Variants in ERBB4 observed in about 807,000 individuals in gnomAD.
ERBB4 encodes the protein erb-b2 receptor tyrosine kinase 4.
ERBB4 carries 42 observed loss-of-function variants against 158.0 expected under a neutral mutation model. That is an observed-to-expected ratio of 0.27 (90% confidence interval 0.21 to 0.34). ERBB4 has a LOEUF of 0.34. ERBB4 is among the 10% of genes least tolerant of loss of function. ERBB4 has a pLI of 1.00. For synonymous variants in ERBB4, 583 were observed against 558.7 expected (o/e 1.04, Z -0.61); for missense variants, 1,333 against 1,624.1 (o/e 0.82, Z 3.08).
intron 1 of ERBB4, among the ~76,000 whole-genome samples, chr2:212,187,653 TA>T (rs1165065497): frequency 6.6e-6 from 1 of 152,146 alleles, no homozygotes; most frequent in East Asian, 1.9e-4. Flanking sequence ...AATTTGTTAC[TA>T]ATTTGTAGAA....
intron 1 of ERBB4, among the ~76,000 whole-genome samples, chr2:212,465,824 T>C (rs1207841302): frequency 6.6e-6 from 1 of 152,206 alleles, no homozygotes; most frequent in East Asian, 1.9e-4. Flanking sequence ...ATCCACAGTC[T>C]ATTCTCTAAC....
chr2:212,099,736 G>GTTTTTTTTTT (rs3037296), intron 2 of ERBB4, among the ~76,000 whole-genome samples: 2 of 144,600 alleles, frequency 1.4e-5, no homozygotes, highest in Non-Finnish European at 3.0e-5. Flanking sequence ...TTGTTTTACA[G>GTTTTTTTTTT]TTTTTTTTTT....
In ERBB4 at chr2:212,274,709, C is replaced by T. The variant is rs554488351; in HGVS notation, c.83-149806G>A. On this transcript the variant is annotated intron_variant, in intron 1 of 27. Transcript: ENST00000342788. ...TAATAGGTTTGTGTATATTTTATGG[C>T]CATAAATGAGAAAATAAACTAGTAT... 1.8e-4 allele frequency among the ~76,000 whole-genome samples: 28 copies of T among 151,608 alleles called. No homozygotes were observed. In the Middle Eastern group the frequency reaches 0.01, roughly 55 times the overall value.
chr2:212,266,478 A>C (rs899771121), intron 1 of ERBB4, among the ~76,000 whole-genome samples: 1 of 151,958 alleles, frequency 6.6e-6, no homozygotes, highest in Non-Finnish European at 1.5e-5. Context: ...GTGGGCTCTA[A>C]AGAGGCTTTC....
chr2:212,088,205 C>T (rs899161655), intron 2 of ERBB4, among the ~76,000 whole-genome samples: 5 of 152,100 alleles, frequency 3.3e-5, no homozygotes, highest in African/African-American at 1.2e-4. Context: ...CGAGCAGTAA[C>T]ATCAAAGGGT....
chr2:211,381,274 G>A lies in ERBB4; in HGVS notation c.*2341C>T. On this transcript the variant is annotated 3_prime_UTR_variant, in exon 28 of 28. Transcript: ENST00000342788. ...CAACTCCAATGTCTCCAATATTCTTGGCCAAGGACCACCATCTGCTTTTGG... is the reference window on the plus strand; with the variant it reads ...CAACTCCAATGTCTCCAATATTCTTAGCCAAGGACCACCATCTGCTTTTGG... 4.3e-6 allele frequency: 1 copy of A among 232,198 alleles called. No homozygotes were observed. The highest frequency in any genetic ancestry group is 8.5e-6 in the Non-Finnish European group (1 of 117,480). 14.4% of individuals were successfully genotyped at this position (232,198 alleles called of 1,614,324 possible).
chr2:212,121,135 C>T (rs2079734762), intron 2 of ERBB4, among the ~76,000 whole-genome samples: 1 of 152,198 alleles, frequency 6.6e-6, no homozygotes, highest in African/African-American at 2.4e-5. Flanking sequence ...GGCAAATAGT[C>T]TCTGCTTTCA....
chr2:211,376,506 A>G lies in ERBB4; in HGVS notation c.*7109T>C. On this transcript the variant is annotated 3_prime_UTR_variant, in exon 28 of 28. Transcript: ENST00000342788. The stretch of plus-strand genomic sequence containing the variant: ...GATTTAAATAAAACATTGATGGCTT[A>G]CCAGCAAGGTATTTTTGCACCCCAA... 4.3e-6 allele frequency: 1 copy of G among 232,856 alleles called. No homozygotes were observed. Among genetic ancestry groups the G allele is most frequent in the African/African-American group, 2.2e-5 (1 of 45,414 alleles). The allele number at this position is 232,856 out of a possible 1,614,324, so 14.4% of individuals were successfully genotyped here.
intron 1 of ERBB4, among the ~76,000 whole-genome samples, chr2:212,500,712 C>G (rs1690841666): frequency 6.6e-6 from 1 of 151,956 alleles, no homozygotes. Context: ...GAAGATAGAA[C>G]AAATTACACA....
At chr2:211,900,702 A>G (rs1184235420) in intron 3 of ERBB4, among the ~76,000 whole-genome samples, 4 of 152,158 alleles carry the variant, frequency 2.6e-5, no homozygotes, top group African/African-American at 4.8e-5. Context: ...TATACAGGAC[A>G]TGGACTCAAG....
intron 2 of ERBB4, among the ~76,000 whole-genome samples, chr2:212,063,049 TAC>T (rs1330251354): frequency 1.3e-5 from 2 of 152,218 alleles, no homozygotes; most frequent in Non-Finnish European, 2.9e-5. Context: ...CTCACATGCA[TAC>T]ACAGGAGACT....
chr2:211,691,602 G>GTGTGTGTGTGTGTGTA (rs1225867697), intron 12 of ERBB4, among the ~76,000 whole-genome samples: 34 of 145,426 alleles, frequency 2.3e-4, no homozygotes, highest in African/African-American at 8.4e-4. Context: ...GTGTGTGTGT[G>GTGTGTGTGTGTGTGTA]TATATATATA....
chr2:211,617,974 A>C (rs1253645985), intron 19 of ERBB4, among the ~76,000 whole-genome samples: 1 of 152,048 alleles, frequency 6.6e-6, no homozygotes, highest in Non-Finnish European at 1.5e-5. Context: ...ATAAATACAT[A>C]ATTTTATTCC....
intron 2 of ERBB4, among the ~76,000 whole-genome samples, chr2:212,019,758 TAA>T (rs368132533): frequency 1.9e-5 from 2 of 106,256 alleles, no homozygotes; most frequent in African/African-American, 3.5e-5. Flanking sequence ...CAACATTCTG[TAA>T]AAAAAAAAAA....
chr2:211,680,155 G>T (rs936044537), intron 12 of ERBB4, among the ~76,000 whole-genome samples: 2 of 152,150 alleles, frequency 1.3e-5, no homozygotes, highest in African/African-American at 4.8e-5. Context: ...TTATCTCTAT[G>T]TTATCTCTAT....
chr2:211,807,446 A>G (rs1384935035), intron 3 of ERBB4, among the ~76,000 whole-genome samples: 2 of 152,140 alleles, frequency 1.3e-5, no homozygotes, highest in Non-Finnish European at 2.9e-5. Flanking sequence ...TTCTAGCTTC[A>G]TCCATGTCCC....
chr2:212,018,381 T>C (rs1414030158), intron 2 of ERBB4, among the ~76,000 whole-genome samples: 1 of 152,184 alleles, frequency 6.6e-6, no homozygotes, highest in Non-Finnish European at 1.5e-5. Flanking sequence ...GGATATGACA[T>C]ATTAATGATA....
chr2:211,502,525 C>T (rs1170578978), intron 20 of ERBB4, among the ~76,000 whole-genome samples: 2 of 152,078 alleles, frequency 1.3e-5, no homozygotes. Context: ...TACTATTGAA[C>T]GAAGCAAGGC....
chr2:212,388,502 G>A (rs1042686095), intron 1 of ERBB4, among the ~76,000 whole-genome samples: 2 of 152,068 alleles, frequency 1.3e-5, no homozygotes, highest in Middle Eastern at 3.4e-3. Flanking sequence ...CCTGGAACTG[G>A]GCAGAGAGGA....
Sources: allele counts gnomAD v4.1 joint callset (sites outside exome capture counted in the v4.1 genomes callset), GRCh38; gene constraint gnomAD v4.1.1; transcripts MANE v1.5; gene names NCBI Gene and HGNC (gene_info 2026-07-23, HGNC 2026-07-21).